Variants in ERMP1 observed in about 807,000 individuals in gnomAD.
ERMP1 encodes the protein endoplasmic reticulum metallopeptidase 1, also known as Felix-ina.
ERMP1 carries 86 observed loss-of-function variants against 92.0 expected under a neutral mutation model. The ratio of observed to expected loss-of-function variants is 0.93; its 90% CI spans 0.79 to 1.12. The LOEUF (loss-of-function observed/expected upper bound fraction) is 1.12, where lower values mean the gene tolerates loss of function less well. Ranked by LOEUF, ERMP1 falls within the 50% of genes most tolerant of loss-of-function variation. ERMP1 has a pLI of 0.00. For missense variants in ERMP1, 1,342 were observed against 1,116.3 expected (o/e 1.20, Z -2.88); for synonymous variants, 530 against 412.8 (o/e 1.28, Z -3.44).
intron 4 of ERMP1, among the ~76,000 whole-genome samples, chr9:5,819,071 T>C (rs1342241106): frequency 1.3e-5 from 2 of 152,226 alleles, no homozygotes; most frequent in African/African-American, 4.8e-5. Context: ...CATTCCTAGG[T>C]ATCTAAAAGA....
chr9:5,851,018 G>C (rs937653591), intron 6 of ERMP1, among the ~76,000 whole-genome samples: 1 of 152,152 alleles, frequency 6.6e-6, no homozygotes, highest in African/African-American at 2.4e-5. Flanking sequence ...ATCCTCCCTT[G>C]ACTTATTCCC....
rs140962151 is a variant in ERMP1, at chr9:5,787,484, G to A, written c.2496C>T (p.Val832=). 6.2e-7 allele frequency: 1 copy of A among 1,614,086 alleles called. No individual in the cohort carries two copies. The highest frequency in any genetic ancestry group is 1.1e-5 in the South Asian group (1 of 91,048). Residue 832 remains valine, a synonymous_variant, in exon 14 of 15, where the codon GTC becomes GTT. Transcript: ENST00000339450. The part of the protein sequence containing the change: ...PVTSKGGDYF[V]FYSHGLQASA... Reference sequence around the variant, plus strand: ...AGGCCTGGAGTCCATGGGAGTAAAAGACAAAGTAGTCTCCTCCTTTACTTG... The same window carrying A: ...AGGCCTGGAGTCCATGGGAGTAAAAAACAAAGTAGTCTCCTCCTTTACTTG...
chr9:5,839,274 G>A (rs953825989), intron 6 of ERMP1, among the ~76,000 whole-genome samples: 1 of 152,210 alleles, frequency 6.6e-6, no homozygotes, highest in African/African-American at 2.4e-5. Context: ...TGACCTGGGA[G>A]AAGAATTGGT....
intron 6 of ERMP1, among the ~76,000 whole-genome samples, chr9:5,857,542 A>G (rs1830393708): frequency 6.6e-6 from 1 of 152,226 alleles, no homozygotes; most frequent in Non-Finnish European, 1.5e-5. Context: ...ATGAGCATCT[A>G]CTATACCTAG....
At chr9:5,804,242 A>G (rs1489265852) in intron 10 of ERMP1, among the ~76,000 whole-genome samples, 2 of 152,156 alleles carry the variant, frequency 1.3e-5, no homozygotes, top group Non-Finnish European at 2.9e-5. Flanking sequence ...TTCCCACCAA[A>G]AGAGACCTGC....
chr9:5,799,450 G>C (rs1368296866), intron 11 of ERMP1, among the ~76,000 whole-genome samples: 2 of 152,048 alleles, frequency 1.3e-5, no homozygotes, highest in Admixed American at 6.6e-5. Flanking sequence ...AGAATTCTAT[G>C]AAAAGGCACC....
intron 5 of ERMP1, among the ~76,000 whole-genome samples, chr9:5,862,578 C>T (rs1830532712): frequency 6.6e-6 from 1 of 152,152 alleles, no homozygotes; most frequent in Admixed American, 6.5e-5. Context: ...AAGTCCTGGC[C>T]TCAGGCTGTC....
intron 6 of ERMP1, among the ~76,000 whole-genome samples, chr9:5,855,156 G>GA (rs1830357426): frequency 6.6e-6 from 1 of 152,088 alleles, no homozygotes; most frequent in Non-Finnish European, 1.5e-5. Flanking sequence ...AATAGCCTAA[G>GA]AAAAAACAGA....
intron 5 of ERMP1, among the ~76,000 whole-genome samples, chr9:5,861,996 T>C (rs74624518): frequency 9.5e-4 from 145 of 152,078 alleles, no homozygotes; most frequent in African/African-American, 3.4e-3. Flanking sequence ...AAAAATCACA[T>C]TTTAATTTTT....
At chr9:5,823,218 A>G (rs1199873340) in intron 4 of ERMP1, among the ~76,000 whole-genome samples, 1 of 152,170 alleles carries the variant, frequency 6.6e-6, no homozygotes, top group Non-Finnish European at 1.5e-5. Context: ...CCAGGAGGTC[A>G]AGGCTGCATG....
At position 5,813,004 on chromosome 9, in the gene ERMP1, A is replaced by AAC; in HGVS notation, c.905_906insGT (p.Tyr302Ter). 1 of 1,614,096 alleles carries AAC rather than the reference A, an allele frequency of 6.2e-7. No individual in the cohort carries two copies. Among genetic ancestry groups the AAC allele is most frequent in the East Asian group, 2.2e-5 (1 of 44,870 alleles). ...CAAAAGGGTGTTTAGCTGCTGAAAC[A>AAC]TAAGCTTGAACCAACCAAGGATTTT... is the stretch of plus-strand genomic sequence containing the variant. ...GPENPWLVQAYVSAAKHPFAS... is the reference protein window; with the variant it reads ...GPENPWLVQA The change falls in exon 5 of 15, where the codon TAT becomes TAGTT. Residue 302 changes from tyrosine (Y) to a stop codon, truncating the protein, a stop_gained and frameshift_variant. Transcript: ENST00000339450. LOFTEE classifies it high-confidence loss of function.
At chr9:5,851,058 G>C (rs1335937840) in intron 6 of ERMP1, among the ~76,000 whole-genome samples, 2 of 152,078 alleles carry the variant, frequency 1.3e-5, no homozygotes, top group Non-Finnish European at 2.9e-5. Flanking sequence ...CCCTCTTTTA[G>C]ACCCTTCAGA....
At chr9:5,790,068 C>A (rs1231852933) in intron 13 of ERMP1, among the ~76,000 whole-genome samples, 1 of 151,060 alleles carries the variant, frequency 6.6e-6, no homozygotes, top group Non-Finnish European at 1.5e-5. Context: ...ACAAATGTTA[C>A]ATGTTGTAAT....
chr9:5,865,018 A>G (rs1830610190), intron 5 of ERMP1, among the ~76,000 whole-genome samples: 1 of 152,228 alleles, frequency 6.6e-6, no homozygotes, highest in Non-Finnish European at 1.5e-5. Context: ...ATTTATGAAG[A>G]TGTTTTTTGC....
intron 4 of ERMP1, among the ~76,000 whole-genome samples, chr9:5,819,612 T>C (rs1586809368): frequency 1.3e-5 from 2 of 152,224 alleles, no homozygotes; most frequent in East Asian, 3.8e-4. Context: ...CTTCCTTTAC[T>C]GCCCTGGTTT....
chr9:5,789,056 T>G (rs538942221), intron 13 of ERMP1, among the ~76,000 whole-genome samples: 14 of 152,246 alleles, frequency 9.2e-5, no homozygotes, highest in African/African-American at 3.4e-4. Context: ...AAATATTCAT[T>G]TGGTACCCCA....
intron 13 of ERMP1, among the ~76,000 whole-genome samples, chr9:5,794,003 C>G (rs145275240): frequency 7.1e-4 from 108 of 152,186 alleles, no homozygotes; most frequent in African/African-American, 2.5e-3. Flanking sequence ...AAGCATACTG[C>G]TTGAAATGGA....
At chr9:5,816,758 G>C (rs10975300) in intron 4 of ERMP1, among the ~76,000 whole-genome samples, 1 of 152,120 alleles carries the variant, frequency 6.6e-6, no homozygotes, top group Admixed American at 6.5e-5. Flanking sequence ...ACTAGTGTTC[G>C]GCAAGAAAAA....
upstream of ERMP1, among the ~76,000 whole-genome samples, chr9:5,833,491 G>A (rs1830036743): frequency 6.6e-6 from 1 of 152,164 alleles, no homozygotes; most frequent in Non-Finnish European, 1.5e-5. Context: ...AGATTACGCA[G>A]AGGAGGCCCG....
Sources: gnomAD v4.1 joint callset for allele counts (sites outside exome capture counted in the v4.1 genomes callset) on GRCh38, gnomAD v4.1.1 for gene constraint, MANE v1.5 for transcripts, NCBI Gene and HGNC (gene_info 2026-07-23, HGNC 2026-07-21) for gene names.